UBXN8: variants seen among roughly 807,000 people sequenced by gnomAD.
The protein encoded by UBXN8 is UBX domain protein 8.
Under a neutral mutation model 32.1 loss-of-function variants are expected in UBXN8, and 27 were observed. That is an observed-to-expected ratio of 0.84 (90% CI 0.62 to 1.16). The LOEUF is 1.16. Ranked by LOEUF, UBXN8 falls within the 50% of genes most tolerant of loss-of-function variation. UBXN8 has a pLI of 0.00. For synonymous variants in UBXN8, 109 were observed against 111.8 expected (o/e 0.98, Z 0.16); for missense variants, 306 against 311.4 (o/e 0.98, Z 0.13).
Position 30,757,466 on chromosome 8 carries a change from C to T in UBXN8, c.528+579C>T, listed in dbSNP as rs532086757. On this transcript the variant is annotated intron_variant, in intron 5 of 7. Coordinates refer to ENST00000265616, the MANE Select transcript of UBXN8 (RefSeq NM_005671.4). Reference sequence around the variant, plus strand: ...ACTGAGGAGGCTGAGACAGGAGAATCGCTTGAACCTGGGAGGTGGAGGTTG... The same window carrying T: ...ACTGAGGAGGCTGAGACAGGAGAATTGCTTGAACCTGGGAGGTGGAGGTTG... Among the ~76,000 whole-genome samples, 11 of 152,060 alleles carry T rather than the reference C, an allele frequency of 7.2e-5. No individual in the cohort carries two copies. In the East Asian group the frequency reaches 1.4e-3, roughly 19 times the overall value.
At chr8:30,739,241 T>C (rs924919900), upstream of UBXN8, among the ~76,000 whole-genome samples, 11 of 150,674 alleles carry the variant, frequency 7.3e-5, 1 homozygote, top group Non-Finnish European at 1.0e-4. Flanking sequence ...GTGATAATAT[T>C]GCATAGAACT....
upstream of UBXN8, among the ~76,000 whole-genome samples, chr8:30,743,061 G>C (rs911872416): frequency 6.6e-6 from 1 of 152,044 alleles, no homozygotes; most frequent in Non-Finnish European, 1.5e-5. Flanking sequence ...ATGCTAGATG[G>C]ATGGGTCAGG....
At chr8:30,751,292 T>A in intron 1 of UBXN8, 104 bp from the exon 2 acceptor site, 4 of 934,142 alleles carry the variant, frequency 4.3e-6, no homozygotes, top group Non-Finnish European at 6.3e-6. Flanking sequence ...GGCAGGAGGA[T>A]CACGTGAGCT....
At chr8:30,761,526 C>T (rs1805831808) in intron 6 of UBXN8, among the ~76,000 whole-genome samples, 1 of 152,150 alleles carries the variant, frequency 6.6e-6, no homozygotes, top group Non-Finnish European at 1.5e-5. Flanking sequence ...ATTACACCCA[C>T]CCACTGCCTC....
intron 1 of UBXN8, 80 bp downstream of exon 1, chr8:30,744,357 GC>G: frequency 4.3e-6 from 6 of 1,408,330 alleles, no homozygotes; most frequent in South Asian, 2.4e-5. Context: ...CGCCTCTTCG[GC>G]TGCGTGGCTT....
intron 1 of UBXN8, chr8:30,734,077 C>G (rs1805024447): frequency 6.6e-6 from 1 of 152,200 alleles, no homozygotes; most frequent in Non-Finnish European, 1.5e-5. Flanking sequence ...ATCCTGTGCC[C>G]ACAAGGACAG....
chr8:30,741,848 G>A (rs1563556496), upstream of UBXN8, among the ~76,000 whole-genome samples: 1 of 152,192 alleles, frequency 6.6e-6, no homozygotes, highest in Non-Finnish European at 1.5e-5. Flanking sequence ...GCAGTGAAGA[G>A]AGTTCACAAA....
At chr8:30,742,515 AT>A (rs879742087), upstream of UBXN8, among the ~76,000 whole-genome samples, 109 of 145,732 alleles carry the variant, frequency 7.5e-4, no homozygotes, top group Non-Finnish European at 9.0e-4. Context: ...ACGCGCAGCT[AT>A]TTTTTTTTTT....
chr8:30,736,009 G>C (rs1286361180), intron 1 of UBXN8, among the ~76,000 whole-genome samples: 1 of 152,182 alleles, frequency 6.6e-6, no homozygotes, highest in Non-Finnish European at 1.5e-5. Flanking sequence ...AAATAACTTT[G>C]CAAATACAGG....
At chr8:30,731,746 C>T (rs1297842449), upstream of UBXN8, among the ~76,000 whole-genome samples, 1 of 152,144 alleles carries the variant, frequency 6.6e-6, no homozygotes, top group African/African-American at 2.4e-5. Context: ...CGGGGCCCAG[C>T]CGGTTAGGCA....
chr8:30,742,477 A>G (rs564900414), upstream of UBXN8, among the ~76,000 whole-genome samples: 4 of 152,140 alleles, frequency 2.6e-5, no homozygotes, highest in Admixed American at 1.3e-4. Context: ...CAGCCTCTTG[A>G]GTAGCTGGGA....
In UBXN8 at chr8:30,757,134, C is replaced by T. The variant is rs1482235448; in HGVS notation, c.528+247C>T. On this transcript the variant is annotated intron_variant, in intron 5 of 7. Transcript: ENST00000265616. Reference sequence around the variant, plus strand: ...AGGAGTTTGAGACCAGCCTGGCCAACATGGTGAAACCCCATCTCTATTTAA... The same window carrying T: ...AGGAGTTTGAGACCAGCCTGGCCAATATGGTGAAACCCCATCTCTATTTAA... Among the ~76,000 whole-genome samples the T allele has an allele frequency of 2.7e-5, 4 of 148,532 alleles. No homozygotes were observed. In the East Asian group the frequency reaches 7.9e-4, roughly 29 times the overall value.
chr8:30,754,230 A>T, intron 3 of UBXN8: 1 of 312,318 alleles, frequency 3.2e-6, no homozygotes, highest in South Asian at 2.8e-5. Flanking sequence ...ACAGAGTGAG[A>T]CTCCATCTCA....
rs1240525970 is a variant in UBXN8, at chr8:30,754,732, G to A, written c.350G>A (p.Arg117His). ...QEMKLRKLEE[R>H]FYQMTGEAWK... Reference sequence around the variant, plus strand: ...ATGAAATTGAGAAAACTGGAGGAGCGCTTTTATCAAATGACGGGTGAAGCC... The same window carrying A: ...ATGAAATTGAGAAAACTGGAGGAGCACTTTTATCAAATGACGGGTGAAGCC... Residue 117 changes from arginine (R) to histidine (H), a missense_variant, in exon 4 of 8, where the codon CGC becomes CAC. Transcript: ENST00000265616. The A allele has an allele frequency of 9.0e-6, 14 of 1,563,646 alleles. No homozygotes were observed. The highest frequency in any genetic ancestry group is 2.2e-5 in the Admixed American group (1 of 45,870).
intron 1 of UBXN8, among the ~76,000 whole-genome samples, chr8:30,745,878 G>T (rs1237490619): frequency 1.3e-5 from 2 of 152,294 alleles, no homozygotes; most frequent in South Asian, 2.1e-4. Flanking sequence ...CTTCTGAGTA[G>T]CTAGGAATAC....
chr8:30,756,961 T>G, intron 5 of UBXN8, 74 bp downstream of exon 5: 1 of 1,578,034 alleles, frequency 6.3e-7, no homozygotes, highest in South Asian at 1.2e-5. Context: ...TGAGGTGGTA[T>G]ACTGGGTGAA....
chr8:30,743,337 G>C (rs986136415), upstream of UBXN8, among the ~76,000 whole-genome samples: 3 of 151,578 alleles, frequency 2.0e-5, no homozygotes, highest in Non-Finnish European at 4.4e-5. Flanking sequence ...TGTATTTTTA[G>C]TAGAGACGGG....
intron 6 of UBXN8, among the ~76,000 whole-genome samples, chr8:30,761,805 A>C (rs995140205): frequency 2.7e-4 from 41 of 151,986 alleles, no homozygotes; most frequent in Admixed American, 2.5e-3. Context: ...ACTACTTTGT[A>C]GATGTTTTAA....
intron 3 of UBXN8, among the ~76,000 whole-genome samples, chr8:30,753,643 C>T (rs770392079): frequency 1.2e-4 from 19 of 152,050 alleles, no homozygotes; most frequent in Non-Finnish European, 2.6e-4. Context: ...TAAAGAAAAC[C>T]GTATACTCTT....
Sources: allele counts gnomAD v4.1 joint callset (sites outside exome capture counted in the v4.1 genomes callset), GRCh38; gene constraint gnomAD v4.1.1; transcripts MANE v1.5; gene names NCBI Gene and HGNC (gene_info 2026-07-23, HGNC 2026-07-21).